Variants in NAA38 observed in about 807,000 individuals in gnomAD.
The protein encoded by NAA38 is LSM domain containing 1.
NAA38 carries 15 observed loss-of-function variants against 12.6 expected under a neutral mutation model. The observed-to-expected ratio is 1.19, with a 90% CI of 0.79 to 1.83. NAA38 has a LOEUF of 1.83. Ranked by LOEUF, NAA38 falls within the 40% of genes most tolerant of loss-of-function variation. NAA38 has a pLI of 0.00. For synonymous variants in NAA38, 88 were observed against 69.9 expected (o/e 1.26, Z -1.29); for missense variants, 183 against 171.7 (o/e 1.07, Z -0.37).
upstream of NAA38, chr17:7,858,881 C>T (rs1226600053): frequency 2.1e-6 from 3 of 1,439,402 alleles, no homozygotes; most frequent in Non-Finnish European, 2.8e-6. Flanking sequence ...AGCAAATCTC[C>T]AGGCCGATCT....
Position 7,856,794 on chromosome 17 carries a change from G to A in NAA38, c.315C>T (p.Pro105=). The part of the protein sequence containing the change: ...EPRVLGLAMV[P]GHHIVSIEVQ... ...CCTCAATGGAAACGATGTGGTGTCC[G>A]GGTACCATGGCCAGGCCCAGCACAC... Residue 105 remains proline (P), a synonymous_variant, in exon 3 of 3, where the codon CCC becomes CCT. Transcript: ENST00000575771. The A allele has an allele frequency of 1.2e-6, 2 of 1,613,970 alleles. No homozygotes were observed. Among genetic ancestry groups the A allele is most frequent in the Non-Finnish European group, 1.7e-6 (2 of 1,180,016 alleles).
Position 7,869,871 on chromosome 17 carries a change from C to T in NAA38, c.-65-3313G>A, listed in dbSNP as rs1468144899. Reference sequence around the variant, plus strand: ...GTAAGAGGAAGCCAGTGTGGGTTAGCATTTCCCATGACAAATTTATAACCT... The same window carrying T: ...GTAAGAGGAAGCCAGTGTGGGTTAGTATTTCCCATGACAAATTTATAACCT... On this transcript the variant is annotated intron_variant, in intron 2 of 4. Transcript: ENST00000576861. Among the ~76,000 whole-genome samples, 8 of 152,152 alleles carry T rather than the reference C, an allele frequency of 5.3e-5. No individual in the cohort carries two copies. The East Asian group carries it at 1.5e-3, about 29-fold the overall frequency.
chr17:7,869,346 T>C (rs998208808), intron 2 of NAA38, among the ~76,000 whole-genome samples: 2 of 152,218 alleles, frequency 1.3e-5, no homozygotes, highest in Admixed American at 6.5e-5. Flanking sequence ...ACTCTTCCTC[T>C]AATGAAGTGA....
At chr17:7,862,280 C>T (rs2078888583), upstream of NAA38, 1 of 152,104 alleles carries the variant, frequency 6.6e-6, no homozygotes, top group African/African-American at 2.4e-5. Flanking sequence ...GAATGAACTC[C>T]AATGTTAAGT....
chr17:7,858,810 G>A (rs1196797834), upstream of NAA38: 3 of 1,552,268 alleles, frequency 1.9e-6, no homozygotes, highest in African/African-American at 2.7e-5. Context: ...CACGTCGCAG[G>A]AGCACACACT....
chr17:7,857,501 A>G lies in NAA38; in HGVS notation c.-38T>C. On this transcript the variant is annotated 5_prime_UTR_variant, in exon 1 of 3. Transcript: ENST00000575771. The stretch of plus-strand genomic sequence containing the variant: ...CTCCTCTGGGCCTTTCAACTTCCTA[A>G]GCACCTTTCAGGTTGGGTGGTCCGA... The G allele has an allele frequency of 1.3e-6, 2 of 1,488,900 alleles. No homozygotes were observed. The highest frequency in any genetic ancestry group is 8.9e-7 in the Non-Finnish European group (1 of 1,120,984). 92.2% of individuals were successfully genotyped at this position (1,488,900 alleles called of 1,614,324 possible). A position where few individuals can be genotyped will look rare whatever the true frequency, so the allele number is the denominator to read the frequency against.
rs530255071 is a variant in NAA38, at chr17:7,863,338, G to A, written c.3+3153C>T. The A allele has an allele frequency of 9.9e-5, 15 of 152,238 alleles. No homozygotes were observed. In the South Asian group the frequency reaches 1.0e-3, roughly 11 times the overall value. 9.4% of individuals were successfully genotyped at this position (152,238 alleles called of 1,614,324 possible). The stretch of plus-strand genomic sequence containing the variant: ...TTGTGGTAATCTCTTTTGTGTTAGA[G>A]GGTGGTGGGTGAAGGATGGAATGCT... On this transcript the variant is annotated intron_variant, in intron 3 of 4. Transcript: ENST00000576861.
upstream of NAA38, chr17:7,858,407 C>A (rs1411842435): frequency 1.9e-6 from 3 of 1,614,132 alleles, no homozygotes; most frequent in African/African-American, 1.3e-5. Flanking sequence ...TTCAAGGGAA[C>A]CTGCTGCTGA....
intron 1 of NAA38, among the ~76,000 whole-genome samples, chr17:7,884,460 A>ATG (rs1646176435): frequency 2.5e-5 from 1 of 40,126 alleles, no homozygotes; most frequent in African/African-American, 5.2e-5. Context: ...ATATATACAT[A>ATG]TATATATATA....
At chr17:7,871,303 T>C (rs1006596872) in intron 2 of NAA38, among the ~76,000 whole-genome samples, 23 of 152,224 alleles carry the variant, frequency 1.5e-4, no homozygotes, top group African/African-American at 4.8e-4. Context: ...ATTAGGATAC[T>C]TTCTACTTTA....
At chr17:7,878,728 T>C (rs1967219445) in intron 2 of NAA38, among the ~76,000 whole-genome samples, 1 of 152,088 alleles carries the variant, frequency 6.6e-6, no homozygotes, top group Non-Finnish European at 1.5e-5. Context: ...CTACGTCTCA[T>C]AAAAAGATAT....
chr17:7,857,324 A>G (rs2078832365), intron 1 of NAA38, 59 bp downstream of exon 1: 5 of 1,611,832 alleles, frequency 3.1e-6, no homozygotes, highest in East Asian at 2.2e-5. Context: ...GCAGTTCCCC[A>G]CCCCCTCCAT....
intron 1 of NAA38, chr17:7,885,151 G>A (rs1967595029): frequency 3.1e-6 from 3 of 982,396 alleles, no homozygotes; most frequent in South Asian, 9.0e-5. Context: ...GCCGGGCGGG[G>A]GCGAGGCACC....
At chr17:7,863,687 T>C (rs1461284348) in intron 3 of NAA38, 3 of 152,170 alleles carry the variant, frequency 2.0e-5, no homozygotes, top group African/African-American at 7.2e-5. Flanking sequence ...TGTATTATTT[T>C]TGGAAAATGG....
At chr17:7,857,562 G>A, upstream of NAA38, 5 of 1,415,218 alleles carry the variant, frequency 3.5e-6, no homozygotes, top group Non-Finnish European at 3.7e-6. Flanking sequence ...TTCCTTTCGC[G>A]AGATCCCCTC....
chr17:7,877,797 T>C (rs1967201887), intron 2 of NAA38, among the ~76,000 whole-genome samples: 1 of 152,202 alleles, frequency 6.6e-6, no homozygotes, highest in African/African-American at 2.4e-5. Flanking sequence ...CAGTAATATA[T>C]GTGACCATCA....
At chr17:7,858,104 A>G, upstream of NAA38, 1 of 1,611,934 alleles carries the variant, frequency 6.2e-7, no homozygotes, top group Non-Finnish European at 8.5e-7. Context: ...AGGAGTAACC[A>G]AGAGATCCAG....
intron 2 of NAA38, among the ~76,000 whole-genome samples, chr17:7,868,436 T>A (rs1967027914): frequency 6.6e-6 from 1 of 152,346 alleles, no homozygotes; most frequent in South Asian, 2.1e-4. Context: ...GAAATCTAAC[T>A]GCAGAAAGGA....
chr17:7,884,469 T>C (rs1425424344), intron 1 of NAA38, among the ~76,000 whole-genome samples: 2 of 143,118 alleles, frequency 1.4e-5, no homozygotes, highest in Admixed American at 7.1e-5. Context: ...TATATATATA[T>C]ATATATATGT....
Sources: gnomAD v4.1 joint callset for allele counts (sites outside exome capture counted in the v4.1 genomes callset) on GRCh38, gnomAD v4.1.1 for gene constraint, MANE v1.5 for transcripts, NCBI Gene and HGNC (gene_info 2026-07-23, HGNC 2026-07-21) for gene names.